Variants in SUMF1 observed in about 807,000 individuals in gnomAD.
SUMF1 encodes sulfatase modifying factor 1.
SUMF1 carries 48 observed loss-of-function variants against 47.6 expected under a neutral mutation model. The ratio of observed to expected loss-of-function variants is 1.01; its 90% CI spans 0.80 to 1.28. The LOEUF (loss-of-function observed/expected upper bound fraction) is 1.28. Among genes scored for constraint, SUMF1 ranks in the 50% most tolerant of loss-of-function variants. The pLI, the probability that SUMF1 is intolerant of heterozygous loss-of-function variation, is 0.00. For missense variants in SUMF1, 571 were observed against 485.4 expected, an observed-to-expected ratio of 1.18 and a Z score of -1.66; for synonymous variants, 230 against 192.1, an observed-to-expected ratio of 1.20 and a Z score of -1.63.
intron 8 of SUMF1, among the ~76,000 whole-genome samples, chr3:4,204,575 A>G (rs1695610730): frequency 2.0e-5 from 3 of 152,188 alleles, no homozygotes; most frequent in African/African-American, 7.2e-5. Context: ...TTATGGTCCA[A>G]TCTTTCTCTC....
At chr3:4,278,769 T>C (rs767792954) in intron 8 of SUMF1, among the ~76,000 whole-genome samples, 1 of 152,158 alleles carries the variant, frequency 6.6e-6, no homozygotes, top group Non-Finnish European at 1.5e-5. Context: ...AAATGGGTTA[T>C]AGGTATATAA....
chr3:4,436,406 T>A (rs1461534379), intron 3 of SUMF1, among the ~76,000 whole-genome samples: 2 of 152,198 alleles, frequency 1.3e-5, no homozygotes, highest in African/African-American at 4.8e-5. Flanking sequence ...AGAATTACAA[T>A]GGAATACTGA....
chr3:4,362,132 T>G lies in SUMF1; in HGVS notation c.*12A>C. On this transcript the variant is annotated 3_prime_UTR_variant, in exon 9 of 9. Coordinates refer to ENST00000272902, the MANE Select transcript of SUMF1 (RefSeq NM_182760.4). ...GACTGCTCCTTGGACTGGGGAAGAC[T>G]TTCCTTGGTTGTCAGTCCATAGTGG... The G allele has an allele frequency of 6.2e-7, 1 of 1,613,220 alleles. No individual in the cohort carries two copies. Among genetic ancestry groups the G allele is most frequent in the Non-Finnish European group, 8.5e-7 (1 of 1,179,372 alleles).
At chr3:4,253,972 C>CTA in intron 8 of SUMF1, among the ~76,000 whole-genome samples, 1 of 151,032 alleles carries the variant, frequency 6.6e-6, no homozygotes, top group African/African-American at 2.4e-5. Flanking sequence ...CCCGAGCAGC[C>CTA]TAACTGGGAG....
intron 8 of SUMF1, among the ~76,000 whole-genome samples, chr3:4,163,971 G>C (rs923954767): frequency 2.0e-5 from 3 of 152,094 alleles, no homozygotes; most frequent in African/African-American, 7.2e-5. Context: ...CAGAAAGTCA[G>C]CAAAACTGTT....
rs559186389 is a variant in SUMF1 at position 4,347,308 on chromosome 3, A to T, written c.1014+29022T>A. ...AATAAAAGAGTGGCAAACCGAATCC[A>T]GCAGCACATCAAACAACTTACCCAC... On this transcript the variant is annotated intron_variant and NMD_transcript_variant, in intron 8 of 12. Coordinates refer to the SUMF1 transcript ENST00000448413. 6.6e-5 allele frequency among the ~76,000 whole-genome samples: 10 copies of T among 152,374 alleles called. No individual in the cohort carries two copies. In the South Asian group the frequency reaches 2.1e-3, roughly 32 times the overall value.
rs1491317152 is a variant in SUMF1 at position 4,151,510 on chromosome 3, T to TATAC, written c.1015-82766_1015-82765insGTAT. ...GTATATATACGTATATATGTGTATA[T>TATAC]GTATACGTATATATGTATATATGTG... On this transcript the variant is annotated intron_variant and NMD_transcript_variant, in intron 8 of 12. Transcript: ENST00000448413. Among the ~76,000 whole-genome samples, 16 of 136,974 alleles carry TATAC rather than the reference T, an allele frequency of 1.2e-4. 1 individual carries two copies. The South Asian group carries it at 2.6e-3, about 22-fold the overall frequency. The allele number at this position is 136,974 out of a possible 152,430, so 89.9% of individuals were successfully genotyped here.
chr3:4,264,166 GGAGTA>G (rs1179045019), intron 8 of SUMF1, among the ~76,000 whole-genome samples: 1 of 152,122 alleles, frequency 6.6e-6, no homozygotes, highest in African/African-American at 2.4e-5. Flanking sequence ...TCTGAAATTG[GGAGTA>G]GAGTTAAAAA....
intron 8 of SUMF1, among the ~76,000 whole-genome samples, chr3:4,268,883 T>C (rs115203652): frequency 0.017 from 2,585 of 152,262 alleles, 94 homozygotes; most frequent in African/African-American, 0.059. Context: ...TGAATGTGTG[T>C]GTGTGTGCGT....
At chr3:4,322,134 A>G (rs1270940134) in intron 8 of SUMF1, among the ~76,000 whole-genome samples, 1 of 152,152 alleles carries the variant, frequency 6.6e-6, no homozygotes, top group African/African-American at 2.4e-5. Context: ...GTCACAACCA[A>G]GAGGAGTCAA....
At chr3:4,187,069 C>T (rs982848343) in intron 8 of SUMF1, among the ~76,000 whole-genome samples, 2 of 152,058 alleles carry the variant, frequency 1.3e-5, no homozygotes, top group Non-Finnish European at 2.9e-5. Context: ...TTCTGAGCTG[C>T]CAAAAGAATT....
chr3:4,226,956 G>A (rs1696188253), intron 8 of SUMF1, among the ~76,000 whole-genome samples: 2 of 151,974 alleles, frequency 1.3e-5, no homozygotes, highest in South Asian at 4.2e-4. Flanking sequence ...CAGATTTCTG[G>A]GTCCCATCCT....
At chr3:4,265,876 A>G (rs1035988373) in intron 8 of SUMF1, among the ~76,000 whole-genome samples, 2 of 152,062 alleles carry the variant, frequency 1.3e-5, no homozygotes, top group African/African-American at 2.4e-5. Flanking sequence ...TAACGTTTAA[A>G]TCTTTAATCC....
At chr3:4,215,233 T>A (rs1444666669) in intron 8 of SUMF1, among the ~76,000 whole-genome samples, 2 of 152,204 alleles carry the variant, frequency 1.3e-5, no homozygotes, top group Admixed American at 1.3e-4. Flanking sequence ...GATGCAAGGC[T>A]GGTTCAACAT....
At chr3:4,138,180 G>C (rs1214466084) in intron 8 of SUMF1, among the ~76,000 whole-genome samples, 1 of 152,072 alleles carries the variant, frequency 6.6e-6, no homozygotes, top group African/African-American at 2.4e-5. Flanking sequence ...CTGTGTCCAT[G>C]GATTGCAAGA....
chr3:4,386,994 T>C (rs1314068518), intron 7 of SUMF1, among the ~76,000 whole-genome samples: 2 of 152,022 alleles, frequency 1.3e-5, no homozygotes, highest in African/African-American at 4.8e-5. Context: ...TGAATTCTAT[T>C]TGCTAACATT....
intron 8 of SUMF1, among the ~76,000 whole-genome samples, chr3:4,159,273 A>AC (rs1694521206): frequency 7.0e-6 from 1 of 143,264 alleles, no homozygotes; most frequent in Non-Finnish European, 1.5e-5. Flanking sequence ...CTCTGGTGGT[A>AC]TTTTTTTTTT....
intron 8 of SUMF1, among the ~76,000 whole-genome samples, chr3:4,126,513 A>G (rs767532223): frequency 8.5e-5 from 13 of 152,060 alleles, no homozygotes; most frequent in Non-Finnish European, 1.3e-4. Flanking sequence ...GACTCACTAC[A>G]TTCATCCTTA....
intron 8 of SUMF1, among the ~76,000 whole-genome samples, chr3:4,279,221 G>C (rs559169032): frequency 1.2e-4 from 19 of 152,210 alleles, no homozygotes; most frequent in South Asian, 8.3e-4. Context: ...CTATATGAAA[G>C]TCATGGTAAC....
Sources: allele counts gnomAD v4.1 joint callset (sites outside exome capture counted in the v4.1 genomes callset), GRCh38; gene constraint gnomAD v4.1.1; transcripts MANE v1.5; gene names NCBI Gene and HGNC (gene_info 2026-07-23, HGNC 2026-07-21).